The following GRM7 variants were observed in gnomAD, a reference collection of about 807,000 sequenced individuals.
The protein encoded by GRM7 is metabotropic glutamate receptor 7.
GRM7 carries 35 observed loss-of-function variants against 84.5 expected under a neutral mutation model. That is an observed-to-expected ratio of 0.41 (90% CI 0.32 to 0.55). GRM7 has a LOEUF of 0.55. Ranked by LOEUF, GRM7 falls within the 20% of genes least tolerant of loss-of-function variation. The pLI, the probability that GRM7 is intolerant of heterozygous loss-of-function variation, is 0.19. For missense variants in GRM7, 1,003 were observed against 1,194.6 expected (o/e 0.84, Z 2.36); for synonymous variants, 487 against 455.1 (o/e 1.07, Z -0.89).
In GRM7 at chr3:6,862,268, G is replaced by C. The variant is rs1441379154; in HGVS notation, c.519+361G>C. ...GCCAGGCTCCTAGGAGAGCTGGTTAGGAGAATGGAATAGGAAAGATGAGAC... is the reference window on the plus strand; with the variant it reads ...GCCAGGCTCCTAGGAGAGCTGGTTACGAGAATGGAATAGGAAAGATGAGAC... On this transcript the variant is annotated intron_variant, in intron 1 of 9. Transcript: ENST00000357716. This position sits in a 1 kb window ranked among gnomAD's most constrained non-coding sequence, Gnocchi z 5.2. 6.6e-6 allele frequency among the ~76,000 whole-genome samples: 1 copy of C among 152,040 alleles called. No individual in the cohort carries two copies. The highest frequency in any genetic ancestry group is 1.9e-4 in the East Asian group (1 of 5,154).
intron 1 of GRM7, among the ~76,000 whole-genome samples, chr3:6,927,121 G>A (rs1697325725): frequency 6.6e-6 from 1 of 152,094 alleles, no homozygotes; most frequent in South Asian, 2.1e-4. Context: ...CATAAAATAA[G>A]TAAGTAGAAT....
rs1559424620 is a variant in GRM7 at position 7,078,319 on chromosome 3, C to G, written c.520-68133C>G. Among the ~76,000 whole-genome samples, 3 of 152,154 alleles carry G rather than the reference C, an allele frequency of 2.0e-5. No individual in the cohort carries two copies. The South Asian group carries it at 6.2e-4, about 32-fold the overall frequency. The stretch of plus-strand genomic sequence containing the variant: ...CAGAACCACAGGCCCTGCCTAAGGC[C>G]TATTGATTCAAGAATCTGCATTCTA... On this transcript the variant is annotated intron_variant, in intron 1 of 9. Transcript: ENST00000357716.
chr3:7,686,250 T>G (rs1575631741), intron 9 of GRM7: 1 of 599,350 alleles, frequency 1.7e-6, no homozygotes, highest in Non-Finnish European at 3.1e-6. Flanking sequence ...GCATGATGTG[T>G]ATGGTCTCTA....
At chr3:7,641,581 GA>G (rs1698364393) in intron 8 of GRM7, among the ~76,000 whole-genome samples, 1 of 152,164 alleles carries the variant, frequency 6.6e-6, no homozygotes, top group South Asian at 2.1e-4. Flanking sequence ...ATCAAATTGG[GA>G]TGTCCAGGGG....
intron 1 of GRM7, among the ~76,000 whole-genome samples, chr3:6,947,193 C>T (rs1443197778): frequency 3.9e-5 from 6 of 152,082 alleles, no homozygotes; most frequent in South Asian, 4.1e-4. Context: ...GTGGGTTTGT[C>T]GTAGATAGCT....
chr3:6,987,849 G>T (rs934691877), intron 1 of GRM7, among the ~76,000 whole-genome samples: 1 of 152,120 alleles, frequency 6.6e-6, no homozygotes, highest in African/African-American at 2.4e-5. Context: ...TCTGACAGTG[G>T]TCTAGGCCAG....
At chr3:7,678,117 C>T (rs1428633528) in intron 8 of GRM7, among the ~76,000 whole-genome samples, 1 of 152,082 alleles carries the variant, frequency 6.6e-6, no homozygotes, top group African/African-American at 2.4e-5. Context: ...ATATTAGGTA[C>T]TATCTTCAGT....
rs114732215 is a variant in GRM7, at chr3:7,190,708, T to C, written c.736+44040T>C. Among the ~76,000 whole-genome samples the C allele has an allele frequency of 6.5e-3, 986 of 152,200 alleles. 12 individuals are homozygous for C. Among genetic ancestry groups the C allele is most frequent in the Middle Eastern group, 0.024 (7 of 294 alleles). On this transcript the variant is annotated intron_variant, in intron 2 of 9. Coordinates refer to ENST00000357716, the MANE Select transcript of GRM7 (RefSeq NM_000844.4). ...TCCTACAAGCAGTTTAATATATATA[T>C]ATTTTTTCTTAAAATCATGGTGTCC...
chr3:7,396,696 C>A (rs1396932154), intron 4 of GRM7, among the ~76,000 whole-genome samples: 1 of 152,036 alleles, frequency 6.6e-6, no homozygotes, highest in Non-Finnish European at 1.5e-5. Flanking sequence ...AAAATGAGCT[C>A]AGTCTGGTGA....
chr3:7,471,586 G>A (rs895250734), intron 7 of GRM7, among the ~76,000 whole-genome samples: 1 of 151,972 alleles, frequency 6.6e-6, no homozygotes, highest in East Asian at 1.9e-4. Flanking sequence ...TTGTTTCATT[G>A]ATTCTCCTGT....
intron 9 of GRM7, among the ~76,000 whole-genome samples, chr3:7,719,676 G>A (rs1248628358): frequency 6.6e-6 from 1 of 151,932 alleles, no homozygotes; most frequent in Non-Finnish European, 1.5e-5. Context: ...GCCTGGCGTG[G>A]TGGCAGGCAC....
At chr3:7,394,311 G>C (rs758304829) in intron 4 of GRM7, among the ~76,000 whole-genome samples, 1 of 152,246 alleles carries the variant, frequency 6.6e-6, no homozygotes, top group East Asian at 1.9e-4. Context: ...TCTTCTGCTC[G>C]TTCACAAAGA....
intron 1 of GRM7, among the ~76,000 whole-genome samples, chr3:6,888,079 T>C (rs1290119472): frequency 6.6e-6 from 1 of 152,154 alleles, no homozygotes; most frequent in Non-Finnish European, 1.5e-5. Context: ...GATGGGGTTG[T>C]TTGTTTTTTT....
At chr3:7,187,717 G>A (rs1038214895) in intron 2 of GRM7, among the ~76,000 whole-genome samples, 1 of 152,296 alleles carries the variant, frequency 6.6e-6, no homozygotes, top group Middle Eastern at 3.4e-3. Flanking sequence ...TTCTAGGGAA[G>A]GATTAGTAAT....
At chr3:7,385,918 C>T (rs919879287) in intron 4 of GRM7, among the ~76,000 whole-genome samples, 1 of 152,170 alleles carries the variant, frequency 6.6e-6, no homozygotes, top group African/African-American at 2.4e-5. Flanking sequence ...GGAATGCATT[C>T]ATAGGAATGA....
chr3:7,434,712 TA>T (rs1165313489), intron 5 of GRM7, among the ~76,000 whole-genome samples: 1 of 152,154 alleles, frequency 6.6e-6, no homozygotes, highest in Non-Finnish European at 1.5e-5. Flanking sequence ...TAAGGAATAT[TA>T]TACCTATTTT....
chr3:7,016,885 A>C (rs1695585754), intron 1 of GRM7, among the ~76,000 whole-genome samples: 1 of 152,166 alleles, frequency 6.6e-6, no homozygotes, highest in Middle Eastern at 3.2e-3. Flanking sequence ...GACTCTGGCA[A>C]TTGCAATTTC....
intron 4 of GRM7, among the ~76,000 whole-genome samples, chr3:7,317,542 C>T (rs941621544): frequency 4.6e-5 from 7 of 152,002 alleles, no homozygotes; most frequent in African/African-American, 1.7e-4. Context: ...CTATAATCGC[C>T]ACCAATTACT....
At chr3:7,494,751 T>C (rs546869001) in intron 7 of GRM7, among the ~76,000 whole-genome samples, 1 of 152,212 alleles carries the variant, frequency 6.6e-6, no homozygotes, top group Non-Finnish European at 1.5e-5. Context: ...ATATTTTTAT[T>C]GTTATCATTG....
Sources: gnomAD v4.1 joint callset for allele counts (sites outside exome capture counted in the v4.1 genomes callset) on GRCh38, gnomAD v4.1.1 for gene constraint, Gnocchi (gnomAD v3.1) non-coding constraint, MANE v1.5 for transcripts, NCBI Gene and HGNC (gene_info 2026-07-23, HGNC 2026-07-21) for gene names.